The following SRGAP1 variants were observed in gnomAD, a reference collection of about 807,000 sequenced individuals.
SRGAP1 encodes SLIT-ROBO Rho GTPase activating protein 1, also known as SLIT-ROBO Rho GTPase-activating protein 1.
SRGAP1 carries 43 observed loss-of-function variants against 121.9 expected under a neutral mutation model. The ratio of observed to expected loss-of-function variants is 0.35; its 90% CI spans 0.28 to 0.46. The LOEUF is 0.46. Among genes scored for constraint, SRGAP1 ranks in the 20% least tolerant of loss-of-function variants. The probability of loss-of-function intolerance (pLI) is 1.00; values close to 1 mark genes in which losing one functional copy is unlikely to be tolerated. For synonymous variants in SRGAP1, 447 were observed against 485.4 expected, an observed-to-expected ratio of 0.92 and a Z score of 1.04; for missense variants, 1,102 against 1,350.9, an observed-to-expected ratio of 0.82 and a Z score of 2.89.
At chr12:64,001,151 G>T (rs893267066) in intron 3 of SRGAP1, among the ~76,000 whole-genome samples, 10 of 152,008 alleles carry the variant, frequency 6.6e-5, no homozygotes, top group Non-Finnish European at 1.5e-4. Flanking sequence ...TTTTCAAAAA[G>T]AACACAGATT....
At chr12:64,071,078 T>C (rs2035628574) in intron 8 of SRGAP1, among the ~76,000 whole-genome samples, 1 of 152,204 alleles carries the variant, frequency 6.6e-6, no homozygotes, top group Non-Finnish European at 1.5e-5. Context: ...AAATCCTAAG[T>C]AAAAGATAAC....
chr12:63,916,119 GCCTCCCAGGCTAGAGCGAT>G (rs2030767094), intron 1 of SRGAP1, among the ~76,000 whole-genome samples: 1 of 140,876 alleles, frequency 7.1e-6, no homozygotes, highest in South Asian at 2.2e-4. Flanking sequence ...TGCAACCTCT[GCCTCCCAGGCTAGAGCGAT>G]CCTCCCACCT....
At chr12:63,971,948 C>T (rs1184326601) in intron 1 of SRGAP1, among the ~76,000 whole-genome samples, 1 of 152,190 alleles carries the variant, frequency 6.6e-6, no homozygotes, top group Non-Finnish European at 1.5e-5. Context: ...CTTTTTTCAG[C>T]TCCTGTCCAG....
At chr12:64,069,406 A>G (rs1324182330) in intron 8 of SRGAP1, among the ~76,000 whole-genome samples, 1 of 152,176 alleles carries the variant, frequency 6.6e-6, no homozygotes, top group African/African-American at 2.4e-5. Context: ...TCCCAACTTT[A>G]CATTTACCTG....
chr12:63,890,300 G>A (rs111319120), intron 1 of SRGAP1, among the ~76,000 whole-genome samples: 1,886 of 152,316 alleles, frequency 0.012, 18 homozygotes, highest in Admixed American at 0.019. Context: ...CCAAAGGCAG[G>A]AGAGAGTAAG....
intron 1 of SRGAP1, among the ~76,000 whole-genome samples, chr12:63,870,232 T>G (rs1899802537): frequency 6.6e-6 from 1 of 152,218 alleles, no homozygotes; most frequent in Non-Finnish European, 1.5e-5. Flanking sequence ...TATTATTACC[T>G]CAATGGATTA....
intron 1 of SRGAP1, among the ~76,000 whole-genome samples, chr12:63,876,915 G>T (rs1900047957): frequency 6.6e-6 from 1 of 152,154 alleles, no homozygotes; most frequent in Admixed American, 6.6e-5. Flanking sequence ...TCTTAAAGCT[G>T]CAATAATATT....
chr12:64,107,048 T>A (rs935793447), intron 15 of SRGAP1, among the ~76,000 whole-genome samples: 13 of 152,180 alleles, frequency 8.5e-5, no homozygotes, highest in Admixed American at 6.5e-4. Flanking sequence ...AGAGCTACGG[T>A]TCCAACTTTG....
At chr12:64,036,423 A>C (rs1263881553) in intron 4 of SRGAP1, among the ~76,000 whole-genome samples, 1 of 152,178 alleles carries the variant, frequency 6.6e-6, no homozygotes, top group Non-Finnish European at 1.5e-5. Flanking sequence ...GAGTCCTCTT[A>C]TGTATTGATT....
At chr12:63,922,556 C>A (rs2031101806) in intron 1 of SRGAP1, among the ~76,000 whole-genome samples, 1 of 152,168 alleles carries the variant, frequency 6.6e-6, no homozygotes, top group Admixed American at 6.5e-5. Flanking sequence ...TAGACTAGGC[C>A]TCCATGATCC....
At chr12:63,914,407 A>G (rs1363516456) in intron 1 of SRGAP1, among the ~76,000 whole-genome samples, 3 of 152,208 alleles carry the variant, frequency 2.0e-5, no homozygotes, top group Non-Finnish European at 2.9e-5. Context: ...GGCTTGATTC[A>G]TAAATTCACA....
At chr12:64,009,428 T>C (rs1440244269) in intron 3 of SRGAP1, among the ~76,000 whole-genome samples, 1 of 152,186 alleles carries the variant, frequency 6.6e-6, no homozygotes, top group Non-Finnish European at 1.5e-5. Flanking sequence ...TTATTTCCTG[T>C]AGGATTTAAA....
At chr12:64,131,600 G>C (rs1368164413) in intron 21 of SRGAP1, among the ~76,000 whole-genome samples, 3 of 152,202 alleles carry the variant, frequency 2.0e-5, no homozygotes, top group African/African-American at 4.8e-5. Flanking sequence ...CCTCTGTCAA[G>C]TGATCATAGG....
At chr12:64,064,916 C>A (rs532615286) in intron 7 of SRGAP1, among the ~76,000 whole-genome samples, 1 of 152,332 alleles carries the variant, frequency 6.6e-6, no homozygotes, top group African/African-American at 2.4e-5. Context: ...GTAGCCAGGC[C>A]AAGCAGCTGC....
intron 3 of SRGAP1, among the ~76,000 whole-genome samples, chr12:64,015,958 T>A (rs945856383): frequency 2.6e-5 from 4 of 152,246 alleles, no homozygotes; most frequent in Non-Finnish European, 5.9e-5. Context: ...TTACAGCTTT[T>A]GTTGAAAATA....
chr12:63,950,299 G>A (rs2032245512), intron 1 of SRGAP1, among the ~76,000 whole-genome samples: 1 of 152,194 alleles, frequency 6.6e-6, no homozygotes, highest in Non-Finnish European at 1.5e-5. Context: ...CAGAGAACTA[G>A]ACAGTTCTTG....
At chr12:63,972,216 G>A (rs1212996158) in intron 1 of SRGAP1, among the ~76,000 whole-genome samples, 2 of 152,190 alleles carry the variant, frequency 1.3e-5, no homozygotes, top group African/African-American at 4.8e-5. Context: ...TCTAATAGAG[G>A]TATAAAGAAA....
At chr12:63,961,183 C>T (rs1245479084) in intron 1 of SRGAP1, among the ~76,000 whole-genome samples, 3 of 151,998 alleles carry the variant, frequency 2.0e-5, no homozygotes, top group Non-Finnish European at 4.4e-5. Flanking sequence ...CTAGCCATAC[C>T]ACGTATCAAG....
intron 15 of SRGAP1, among the ~76,000 whole-genome samples, chr12:64,103,657 A>T (rs145529070): frequency 6.6e-6 from 1 of 152,122 alleles, no homozygotes; most frequent in Non-Finnish European, 1.5e-5. Context: ...AATGTTCTTA[A>T]TTTTTCCTTT....
Sources: allele counts gnomAD v4.1 joint callset (sites outside exome capture counted in the v4.1 genomes callset), GRCh38; gene constraint gnomAD v4.1.1; transcripts MANE v1.5; gene names NCBI Gene and HGNC (gene_info 2026-07-23, HGNC 2026-07-21).